Variants in DGKZ observed in about 807,000 individuals in gnomAD.
DGKZ encodes DAG kinase zeta.
DGKZ carries 45 observed loss-of-function variants against 142.5 expected under a neutral mutation model. The ratio of observed to expected loss-of-function variants is 0.32; its 90% CI spans 0.25 to 0.40. The LOEUF is 0.40. Among genes scored for constraint, DGKZ ranks in the 10% least tolerant of loss-of-function variants. The pLI, the probability that DGKZ is intolerant of heterozygous loss-of-function variation, is 1.00. For synonymous variants in DGKZ, 442 were observed against 527.0 expected (o/e 0.84, Z 2.21); for missense variants, 755 against 1,306.5 (o/e 0.58, Z 6.51).
At chr11:46,379,613 C>A in intron 30 of DGKZ, 45 bp downstream of exon 30, 1 of 1,535,300 alleles carries the variant, frequency 6.5e-7, no homozygotes, top group Non-Finnish European at 8.8e-7. Flanking sequence ...ACCAACCAAA[C>A]CTTTCCCAAG....
At chr11:46,371,229 G>A in intron 6 of DGKZ, 84 bp from the exon 7 acceptor site, 1 of 1,363,386 alleles carries the variant, frequency 7.3e-7, no homozygotes, top group South Asian at 1.2e-5. Context: ...CTGTCTCTGG[G>A]TGGAGAGAGG....
At position 46,372,549 on chromosome 11, in the gene DGKZ, G is replaced by A. The variant is rs770808610; in HGVS notation, c.1010+39G>A. On this transcript the variant is annotated intron_variant, in intron 11 of 30. Coordinates refer to ENST00000527911, the Ensembl canonical transcript of DGKZ. The surrounding 1 kb of genome is among the most constrained non-coding windows in gnomAD (Gnocchi z 5.9). ...AAGGTTTTGTGGGGGACATGGGGGG[G>A]AACTTGCCTCACTCCTGGGGTACAG... 1.2e-6 allele frequency: 2 copies of A among 1,613,774 alleles called. No homozygotes were observed. The highest frequency in any genetic ancestry group is 2.2e-5 in the East Asian group (1 of 44,874).
chr11:46,369,990 A>G, exon 6 of DGKZ: 1 of 1,613,840 alleles, frequency 6.2e-7, no homozygotes, highest in Non-Finnish European at 8.5e-7. Context: ...CAGGACGGCA[A>G]GTGTCGGCAC....
At chr11:46,376,881 TA>T in intron 24 of DGKZ, 191 bp from the exon 25 acceptor site, 2 of 648,308 alleles carry the variant, frequency 3.1e-6, no homozygotes, top group South Asian at 1.9e-5. Context: ...GCTCACCTGG[TA>T]AAGTCTGGGC....
exon 31 of DGKZ, chr11:46,380,201 G>T (rs1461724950): frequency 9.8e-6 from 4 of 410,118 alleles, no homozygotes; most frequent in Non-Finnish European, 1.3e-5. Context: ...GGTTGGATAT[G>T]CCTTTGCCGG....
Position 46,379,449 on chromosome 11 carries a change from G to T in DGKZ, c.2574-5G>T. On this transcript the variant is annotated splice_region_variant and splice_polypyrimidine_tract_variant and intron_variant, in intron 29 of 30. Transcript: ENST00000527911. ...ATCAGGGGACGGGATGGGGTACACAGCCAGCCCCTGCTCCCCCAGCGGGGA... is the reference window on the plus strand; with the variant it reads ...ATCAGGGGACGGGATGGGGTACACATCCAGCCCCTGCTCCCCCAGCGGGGA... 6.2e-7 allele frequency: 1 copy of T among 1,602,454 alleles called. No homozygotes were observed. The highest frequency in any genetic ancestry group is 8.5e-7 in the Non-Finnish European group (1 of 1,174,946).
intron 6 of DGKZ, 121 bp downstream of exon 6, chr11:46,370,130 C>G: frequency 4.1e-6 from 5 of 1,226,984 alleles, no homozygotes; most frequent in Non-Finnish European, 4.7e-6. Flanking sequence ...GGGGCTGACC[C>G]TCAGCCTGGC....
At chr11:46,358,248 T>C (rs969488675) in intron 1 of DGKZ, among the ~76,000 whole-genome samples, 100 of 152,266 alleles carry the variant, frequency 6.6e-4, no homozygotes, top group African/African-American at 2.3e-3. Context: ...TCTTTAAAAG[T>C]AGTGAAGATC....
rs1940770196 is a variant in DGKZ at position 46,347,475 on chromosome 11, A to C, written c.-185A>C. On this transcript the variant is annotated 5_prime_UTR_variant, in exon 1 of 31. Transcript: ENST00000527911. The surrounding 1 kb of genome is among the most constrained non-coding windows in gnomAD (Gnocchi z 6.4). ...GGCCGCGGCTGGCGGCACTTCCTGG[A>C]GCGGCGGCGGCAGCGGCTTCCCGGG... 3.1e-6 allele frequency: 3 copies of C among 981,552 alleles called. No homozygotes were observed. Among genetic ancestry groups the C allele is most frequent in the Non-Finnish European group, 3.6e-6 (3 of 828,572 alleles). 60.8% of individuals were successfully genotyped at this position (981,552 alleles called of 1,614,324 possible). A position where few individuals can be genotyped will look rare whatever the true frequency, so the allele number is the denominator to read the frequency against.
At chr11:46,377,516 C>T in intron 25 of DGKZ, 1 of 435,624 alleles carries the variant, frequency 2.3e-6, no homozygotes, top group Non-Finnish European at 4.0e-6. Flanking sequence ...CCCTTCCCGG[C>T]TGCCACGCCC....
At chr11:46,345,663 C>T, upstream of DGKZ, 1 of 1,372,194 alleles carries the variant, frequency 7.3e-7, no homozygotes, top group Non-Finnish European at 9.7e-7. The surrounding 1 kb of genome is among the most constrained non-coding windows in gnomAD (Gnocchi z 4.1). Flanking sequence ...ATGGGGGTGA[C>T]AGAAGTAGGG....
chr11:46,371,421 A>G, intron 7 of DGKZ, 37 bp downstream of exon 7: 1 of 1,611,224 alleles, frequency 6.2e-7, no homozygotes, highest in Non-Finnish European at 8.5e-7. Context: ...CAGGCCCTGC[A>G]CTGCTGGGTT....
At chr11:46,361,781 G>A in intron 1 of DGKZ, 2 of 657,746 alleles carry the variant, frequency 3.0e-6, no homozygotes, top group Non-Finnish European at 1.9e-6. Context: ...TGCGGGGAGG[G>A]TTGGATCCGG....
Position 46,372,276 on chromosome 11 carries a change from C to T in DGKZ, c.927+106C>T. 1 of 1,351,826 alleles carries T rather than the reference C, an allele frequency of 7.4e-7. No individual in the cohort carries two copies. Among genetic ancestry groups the T allele is most frequent in the Non-Finnish European group, 1.0e-6 (1 of 980,578 alleles). 83.7% of individuals were successfully genotyped at this position (1,351,826 alleles called of 1,614,324 possible). On this transcript the variant is annotated intron_variant, in intron 10 of 30. Transcript: ENST00000527911. The surrounding 1 kb of genome is among the most constrained non-coding windows in gnomAD (Gnocchi z 5.9). Reference sequence around the variant, plus strand: ...CCCGTTTCTGGCTTCTACCCCAATCCCTCTTTCCCAGGGATCCTGAGAAAA... The same window carrying T: ...CCCGTTTCTGGCTTCTACCCCAATCTCTCTTTCCCAGGGATCCTGAGAAAA...
Position 46,355,484 on chromosome 11 carries a change from C to T in DGKZ, c.161+7664C>T, listed in dbSNP as rs149007395. On this transcript the variant is annotated intron_variant, in intron 1 of 30. Transcript: ENST00000527911. ...AACACTTTCTCCTTCAAGCCTGCAA[C>T]ACTCCCTTGAGAGAGACGAGGGTGG... Among the ~76,000 whole-genome samples the T allele has an allele frequency of 2.8e-3, 419 of 152,326 alleles. 2 individuals carry two copies. Among genetic ancestry groups the T allele is most frequent in the African/African-American group, 9.5e-3 (397 of 41,578 alleles).
intron 1 of DGKZ, among the ~76,000 whole-genome samples, chr11:46,363,916 C>T (rs925365246): frequency 1.2e-4 from 18 of 152,198 alleles, no homozygotes; most frequent in African/African-American, 3.4e-4. Flanking sequence ...TCCCGAATGC[C>T]GCTGACTGGC....
At chr11:46,340,651 C>T (rs1020976509) in intron 1 of DGKZ, among the ~76,000 whole-genome samples, 2 of 152,200 alleles carry the variant, frequency 1.3e-5, no homozygotes, top group Non-Finnish European at 2.9e-5. Context: ...CAAAAGGAAC[C>T]TAGTCAAATG....
At chr11:46,361,040 A>G (rs534162223) in intron 1 of DGKZ, among the ~76,000 whole-genome samples, 2 of 152,348 alleles carry the variant, frequency 1.3e-5, no homozygotes, top group African/African-American at 2.4e-5. Flanking sequence ...GAGTTGCCCC[A>G]TCTATTCAGT....
chr11:46,376,939 C>T, intron 24 of DGKZ, 134 bp from the exon 25 acceptor site: 1 of 775,426 alleles, frequency 1.3e-6, no homozygotes, highest in Non-Finnish European at 2.1e-6. Context: ...GAGGGACAGG[C>T]AGGGCCCCTT....
Sources: gnomAD v4.1 joint callset for allele counts (sites outside exome capture counted in the v4.1 genomes callset) on GRCh38, gnomAD v4.1.1 for gene constraint, Gnocchi (gnomAD v3.1) non-coding constraint, MANE v1.5 for transcripts, NCBI Gene and HGNC (gene_info 2026-07-23, HGNC 2026-07-21) for gene names.